Variants in ZNF568 observed in about 807,000 individuals in gnomAD.
The protein encoded by ZNF568 is p53 inhibitor of SCO2 activation.
Under a neutral mutation model 18.1 loss-of-function variants are expected in ZNF568, and 11 were observed. The ratio of observed to expected loss-of-function variants is 0.61; its 90% CI spans 0.38 to 1.00. The LOEUF (loss-of-function observed/expected upper bound fraction) is 1.00. Ranked by LOEUF, ZNF568 falls within the 50% of genes least tolerant of loss-of-function variation. ZNF568 has a pLI of 0.01. For missense variants in ZNF568, 639 were observed against 768.2 expected, an observed-to-expected ratio of 0.83 and a Z score of 1.99; for synonymous variants, 213 against 246.6, an observed-to-expected ratio of 0.86 and a Z score of 1.28.
At chr19:36,986,493 C>T (rs1008842418) in intron 2 of ZNF568, among the ~76,000 whole-genome samples, 1 of 152,174 alleles carries the variant, frequency 6.6e-6, no homozygotes, top group African/African-American at 2.4e-5. Flanking sequence ...CTGAAGATTA[C>T]TTTACTTCTC....
At chr19:36,939,742 T>C (rs2073850478) in intron 6 of ZNF568, among the ~76,000 whole-genome samples, 1 of 152,066 alleles carries the variant, frequency 6.6e-6, no homozygotes, top group Admixed American at 6.6e-5. Flanking sequence ...GGTTTCACCA[T>C]GTTGGCCAGG....
At chr19:36,927,535 A>G (rs1056971898) in intron 4 of ZNF568, among the ~76,000 whole-genome samples, 2 of 151,786 alleles carry the variant, frequency 1.3e-5, no homozygotes, top group Admixed American at 6.6e-5. Flanking sequence ...TCTGTAATCT[A>G]TTTGTCTACA....
chr19:36,922,935 A>C lies in ZNF568; in HGVS notation c.76+89A>C. On this transcript the variant is annotated intron_variant, in intron 3 of 6. Coordinates refer to ENST00000333987, the MANE Select transcript of ZNF568 (RefSeq NM_198539.4). ...AAGAAATTCATTACTCCTACTGAGAAAGGTCACGTATGTTAATTGACTAGG... is the reference window on the plus strand; with the variant it reads ...AAGAAATTCATTACTCCTACTGAGACAGGTCACGTATGTTAATTGACTAGG... The C allele has an allele frequency of 2.7e-6, 3 of 1,102,356 alleles. No homozygotes were observed. In the South Asian group the frequency reaches 4.2e-5, roughly 16 times the overall value. 68.3% of individuals were successfully genotyped at this position (1,102,356 alleles called of 1,614,324 possible). A position where few individuals can be genotyped will look rare whatever the true frequency, so the allele number is the denominator to read the frequency against.
chr19:36,971,982 G>A (rs1644642), intron 6 of ZNF568, among the ~76,000 whole-genome samples: 54,247 of 149,872 alleles, frequency 0.36, 10,013 homozygotes, highest in African/African-American at 0.42. Flanking sequence ...CTACAGGTGC[G>A]CGCCACCACA....
chr19:36,985,107 C>T (rs2074364709), intron 2 of ZNF568, among the ~76,000 whole-genome samples: 2 of 152,134 alleles, frequency 1.3e-5, no homozygotes, highest in African/African-American at 4.8e-5. Context: ...TTCTGTACAT[C>T]TGCTCATTTG....
chr19:36,997,592 T>G (rs1194569183), downstream of ZNF568: 1 of 1,565,662 alleles, frequency 6.4e-7, no homozygotes, highest in Non-Finnish European at 8.6e-7. Flanking sequence ...GGCTCAGAAC[T>G]TAGTTGACAC....
intron 6 of ZNF568, among the ~76,000 whole-genome samples, chr19:36,960,561 C>A (rs1408358153): frequency 6.6e-6 from 1 of 151,798 alleles, no homozygotes; most frequent in Non-Finnish European, 1.5e-5. Flanking sequence ...TGGTGGCTCA[C>A]CATGTAAAAA....
intron 6 of ZNF568, among the ~76,000 whole-genome samples, chr19:36,972,711 G>T (rs754576566): frequency 2.0e-5 from 3 of 152,196 alleles, no homozygotes; most frequent in Non-Finnish European, 4.4e-5. Context: ...GCCCTCTCCT[G>T]ATCCACCCCA....
In ZNF568 at chr19:36,952,012, T is replaced by C. The variant is rs951864818; in HGVS notation, c.*924T>C. ...AACCATTGGGAGAAAATAGATGATA[T>C]TGTCTATGACGTTGAGGCCAAGGAG... On this transcript the variant is annotated 3_prime_UTR_variant, in exon 7 of 7. Transcript: ENST00000333987. 23 of 980,918 alleles carry C rather than the reference T, an allele frequency of 2.3e-5. No homozygotes were observed. Among genetic ancestry groups the C allele is most frequent in the Non-Finnish European group, 2.7e-5 (22 of 828,906 alleles). 60.8% of individuals were successfully genotyped at this position (980,918 alleles called of 1,614,324 possible). A position where few individuals can be genotyped will look rare whatever the true frequency, so the allele number is the denominator to read the frequency against.
chr19:36,947,246 C>T (rs2073982700), intron 6 of ZNF568, among the ~76,000 whole-genome samples: 1 of 151,716 alleles, frequency 6.6e-6, no homozygotes. Context: ...GAACTCCCGA[C>T]CTCGTGATCC....
intron 7 of ZNF568, among the ~76,000 whole-genome samples, chr19:36,977,354 G>A (rs951296098): frequency 3.3e-5 from 5 of 152,110 alleles, no homozygotes; most frequent in Admixed American, 6.6e-5. Context: ...CAACTTTGGA[G>A]TAATATATTT....
Position 36,922,764 on chromosome 19 carries a change from G to C in ZNF568, c.-7G>C, listed in dbSNP as rs754012327. The C allele has an allele frequency of 3.1e-6, 5 of 1,613,738 alleles. No individual in the cohort carries two copies. The South Asian group carries it at 3.3e-5, about 11-fold the overall frequency. ...TGACCCTTCTGCCCAGAGCAGGCAGGGTCTGAATGACATCTCAATCTTCAG... is the reference window on the plus strand; with the variant it reads ...TGACCCTTCTGCCCAGAGCAGGCAGCGTCTGAATGACATCTCAATCTTCAG... On this transcript the variant is annotated 5_prime_UTR_variant, in exon 3 of 7. Transcript: ENST00000333987.
intron 2 of ZNF568, among the ~76,000 whole-genome samples, chr19:36,988,847 T>C (rs2074399112): frequency 6.6e-6 from 1 of 152,178 alleles, no homozygotes; most frequent in Non-Finnish European, 1.5e-5. Context: ...CATTTCTTTG[T>C]GGTAAGAACA....
At position 36,950,204 on chromosome 19, in the gene ZNF568, G is replaced by A; in HGVS notation, c.1051G>A (p.Glu351Lys). ...KSFSQKQNLI[E>K]HEKIHTGEKP... ...CTTCAGCCAGAAGCAAAATCTTATTGAGCACGAGAAAATTCATACTGGGGA... is the reference window on the plus strand; with the variant it reads ...CTTCAGCCAGAAGCAAAATCTTATTAAGCACGAGAAAATTCATACTGGGGA... Residue 351 changes from glutamate to lysine, a missense_variant, in exon 7 of 7, where the codon GAG becomes AAG. Glu to Lys is a moderately conservative substitution (Grantham distance 56). Coordinates refer to ENST00000333987, the MANE Select transcript of ZNF568 (RefSeq NM_198539.4). 6.2e-7 allele frequency: 1 copy of A among 1,612,186 alleles called. No homozygotes were observed. Among genetic ancestry groups the A allele is most frequent in the South Asian group, 1.1e-5 (1 of 90,950 alleles).
At chr19:36,961,813 G>GTAATAATAATAAT (rs2074152285) in intron 6 of ZNF568, among the ~76,000 whole-genome samples, 1 of 151,366 alleles carries the variant, frequency 6.6e-6, no homozygotes, top group African/African-American at 2.4e-5. Context: ...GTGAGCCACT[G>GTAATAATAATAAT]ACCTGGCTAA....
exon 8 of ZNF568, chr19:36,979,591 C>T (rs1451500058): frequency 1.3e-5 from 2 of 152,204 alleles, no homozygotes; most frequent in Non-Finnish European, 2.9e-5. Context: ...TACTTGTCCT[C>T]CAACGAGTGT....
intron 2 of ZNF568, among the ~76,000 whole-genome samples, chr19:36,918,557 TTGAATC>T (rs1305455538): frequency 1.3e-5 from 2 of 152,198 alleles, no homozygotes; most frequent in Non-Finnish European, 2.9e-5. Flanking sequence ...CTGAGGCTGA[TTGAATC>T]TGAGGATGCA....
Position 36,996,951 on chromosome 19 carries a change from GA to G in ZNF568, c.867del (p.Lys289AsnfsTer46). ...TACATCAGAGGATCCATACTGATGAGAAATACTATGAAAGTAAGGCGTGTGG... is the reference window on the plus strand; with the variant it reads ...TACATCAGAGGATCCATACTGATGAGAATACTATGAAAGTAAGGCGTGTGG... On this transcript the variant is annotated frameshift_variant, in exon 5 of 5. Transcript: ENST00000433993. LOFTEE classifies it low-confidence loss of function (END_TRUNC). 6.5e-7 allele frequency: 1 copy of G among 1,538,456 alleles called. No homozygotes were observed. The highest frequency in any genetic ancestry group is 8.7e-7 in the Non-Finnish European group (1 of 1,147,136).
chr19:36,964,859 G>C (rs913853527), intron 6 of ZNF568, among the ~76,000 whole-genome samples: 2 of 152,212 alleles, frequency 1.3e-5, no homozygotes, highest in Middle Eastern at 3.4e-3. Context: ...ACAAGAGGTG[G>C]TGGAGCTTGT....
Sources: allele counts gnomAD v4.1 joint callset (sites outside exome capture counted in the v4.1 genomes callset), GRCh38; gene constraint gnomAD v4.1.1; transcripts MANE v1.5; gene names NCBI Gene and HGNC (gene_info 2026-07-23, HGNC 2026-07-21).